Variants in NRG3 observed in about 807,000 individuals in gnomAD.
NRG3 encodes pro-neuregulin-3, membrane-bound isoform.
In NRG3, 31 loss-of-function variants were observed where a neutral mutation model predicts 66.9. The observed-to-expected ratio is 0.46, with a 90% CI of 0.35 to 0.63. The LOEUF is 0.63. Ranked by LOEUF, NRG3 falls within the 20% of genes least tolerant of loss-of-function variation. The probability of loss-of-function intolerance (pLI) is 0.00; values close to 1 mark genes in which losing one functional copy is unlikely to be tolerated. For synonymous variants in NRG3, 393 were observed against 359.4 expected, an observed-to-expected ratio of 1.09 and a Z score of -1.06; for missense variants, 910 against 878.9, an observed-to-expected ratio of 1.04 and a Z score of -0.45.
At chr10:81,942,221 T>G (rs1226121268) in intron 1 of NRG3, among the ~76,000 whole-genome samples, 1 of 152,110 alleles carries the variant, frequency 6.6e-6, no homozygotes, top group African/African-American at 2.4e-5. Flanking sequence ...TTTGTGCTGT[T>G]TCCTCCACAT....
chr10:82,549,768 T>C (rs1440111256), intron 2 of NRG3, among the ~76,000 whole-genome samples: 1 of 152,182 alleles, frequency 6.6e-6, no homozygotes, highest in Admixed American at 6.5e-5. Context: ...GAGGCATATT[T>C]ATAACATCAG....
At chr10:82,670,741 A>C (rs2053204086) in intron 2 of NRG3, among the ~76,000 whole-genome samples, 1 of 152,168 alleles carries the variant, frequency 6.6e-6, no homozygotes, top group Non-Finnish European at 1.5e-5. Flanking sequence ...ACAAAACAAA[A>C]CAAAACAAAA....
At chr10:82,923,750 A>C in intron 4 of NRG3, among the ~76,000 whole-genome samples, 1 of 152,144 alleles carries the variant, frequency 6.6e-6, no homozygotes, top group East Asian at 1.9e-4. Flanking sequence ...AAAGACAAAA[A>C]ATCGTGGAAC....
chr10:82,577,725 T>C (rs1026353315), intron 2 of NRG3, among the ~76,000 whole-genome samples: 6 of 151,748 alleles, frequency 4.0e-5, no homozygotes, highest in Non-Finnish European at 7.4e-5. Context: ...TTCGGGATGA[T>C]GCTGTTCATC....
In NRG3 at chr10:82,701,626, A is replaced by C. The variant is rs558778785; in HGVS notation, c.954-36951A>C. Among the ~76,000 whole-genome samples, 7 of 152,298 alleles carry C rather than the reference A, an allele frequency of 4.6e-5. No homozygotes were observed. The South Asian group carries it at 1.4e-3, about 32-fold the overall frequency. On this transcript the variant is annotated intron_variant, in intron 2 of 8. Transcript: ENST00000372141. The stretch of plus-strand genomic sequence containing the variant: ...TGAAAATTTCAAAAGCATACTCTAC[A>C]CAAGGAACATAAAGCAATCTTTTTG...
chr10:82,492,960 A>G (rs2132267322), intron 2 of NRG3, among the ~76,000 whole-genome samples: 1 of 152,314 alleles, frequency 6.6e-6, no homozygotes, highest in East Asian at 1.9e-4. Flanking sequence ...TTTAAACAAT[A>G]GTAACTTCTT....
intron 1 of NRG3, among the ~76,000 whole-genome samples, chr10:82,019,681 G>C (rs1294508274): frequency 2.6e-5 from 4 of 151,952 alleles, no homozygotes; most frequent in African/African-American, 4.8e-5. Flanking sequence ...TGTATGTGTC[G>C]AGGAATTTAT....
Position 82,425,546 on chromosome 10 carries a change from A to G in NRG3, c.953+66678A>G, listed in dbSNP as rs180984363. On this transcript the variant is annotated intron_variant, in intron 2 of 8. Coordinates refer to ENST00000372141, the MANE Select transcript of NRG3 (RefSeq NM_001010848.4). ...CTGTTCTGCTAATTCCAAAATGTGT[A>G]TTATATCTAAGTCTTGTTTTAACGC... Among the ~76,000 whole-genome samples, 75 of 152,150 alleles carry G rather than the reference A, an allele frequency of 4.9e-4. 1 individual carries two copies. The highest frequency in any genetic ancestry group is 2.6e-3 in the Admixed American group (40 of 15,262).
rs1042897853 is a variant in NRG3 at position 82,189,979 on chromosome 10, C to CAA, written c.824-168758_824-168757dup. Among the ~76,000 whole-genome samples the CAA allele has an allele frequency of 1.6e-4, 24 of 150,066 alleles. No homozygotes were observed. In the East Asian group the frequency reaches 4.7e-3, roughly 29 times the overall value. On this transcript the variant is annotated intron_variant, in intron 1 of 8. Transcript: ENST00000372141. ...CCCCGCCTGAAAATAAAAAAACAAA[C>CAA]AAACAAAAAAAACAGAGAAATTTTG... is the stretch of plus-strand genomic sequence containing the variant.
At chr10:82,139,651 T>C (rs1366236793) in intron 1 of NRG3, among the ~76,000 whole-genome samples, 2 of 152,184 alleles carry the variant, frequency 1.3e-5, no homozygotes, top group Non-Finnish European at 2.9e-5. Flanking sequence ...AGAATAAATA[T>C]GCTAATAACA....
At chr10:82,353,909 T>G (rs776008475) in intron 1 of NRG3, among the ~76,000 whole-genome samples, 1 of 152,106 alleles carries the variant, frequency 6.6e-6, no homozygotes, top group Non-Finnish European at 1.5e-5. Flanking sequence ...CCTCCTTTAA[T>G]GAAATTCCAT....
chr10:81,980,592 A>G (rs938078226), intron 1 of NRG3, among the ~76,000 whole-genome samples: 5 of 152,236 alleles, frequency 3.3e-5, no homozygotes, highest in East Asian at 1.9e-4. Flanking sequence ...CACAGACACT[A>G]TATACAAAAT....
intron 1 of NRG3, among the ~76,000 whole-genome samples, chr10:82,188,917 A>G (rs1386554062): frequency 6.6e-6 from 1 of 152,184 alleles, no homozygotes; most frequent in Non-Finnish European, 1.5e-5. Context: ...AAATTTTAAA[A>G]TAACTGAAAA....
intron 1 of NRG3, among the ~76,000 whole-genome samples, chr10:82,262,108 C>T (rs150332972): frequency 1.1e-4 from 17 of 152,250 alleles, no homozygotes; most frequent in East Asian, 9.7e-4. Context: ...GAACCATGAG[C>T]GAACTAAACC....
In NRG3 at chr10:82,880,340, C is replaced by T. The variant is rs188934346; in HGVS notation, c.1054+14903C>T. 8.6e-5 allele frequency among the ~76,000 whole-genome samples: 13 copies of T among 152,044 alleles called. No individual in the cohort carries two copies. The East Asian group carries it at 1.9e-3, about 23-fold the overall frequency. ...AAGCTGTCCATATTTAGAGTGCGCA[C>T]GAGTGAGACTGCCATTCGTGGAAGA... is the stretch of plus-strand genomic sequence containing the variant. On this transcript the variant is annotated intron_variant, in intron 4 of 8. Transcript: ENST00000372141.
intron 1 of NRG3, among the ~76,000 whole-genome samples, chr10:82,337,393 G>A (rs1331675748): frequency 6.6e-6 from 1 of 152,008 alleles, no homozygotes; most frequent in East Asian, 1.9e-4. Context: ...CAACTTTTTT[G>A]TTTATTCATC....
chr10:82,899,606 T>C (rs556997557), intron 4 of NRG3, among the ~76,000 whole-genome samples: 1 of 152,348 alleles, frequency 6.6e-6, no homozygotes, highest in Non-Finnish European at 1.5e-5. Flanking sequence ...GCATATTTAG[T>C]AATAAAATTG....
At chr10:81,934,166 A>C (rs757345939) in intron 1 of NRG3, among the ~76,000 whole-genome samples, 7 of 152,230 alleles carry the variant, frequency 4.6e-5, no homozygotes, top group Non-Finnish European at 8.8e-5. Flanking sequence ...ACAGTGATCC[A>C]GTTTCGGCAG....
At chr10:82,144,042 A>C (rs2070037271) in intron 1 of NRG3, among the ~76,000 whole-genome samples, 1 of 150,990 alleles carries the variant, frequency 6.6e-6, no homozygotes, top group African/African-American at 2.5e-5. Flanking sequence ...AAAAAAAAAA[A>C]AGAAAAGAAA....
Sources: allele counts gnomAD v4.1 joint callset (sites outside exome capture counted in the v4.1 genomes callset), GRCh38; gene constraint gnomAD v4.1.1; transcripts MANE v1.5; gene names NCBI Gene and HGNC (gene_info 2026-07-23, HGNC 2026-07-21).